The following NUDT5 variants were observed in gnomAD, a reference collection of about 807,000 sequenced individuals.
NUDT5 encodes ADP-sugar pyrophosphatase.
A neutral mutation model predicts 34.1 loss-of-function variants in NUDT5; 21 were observed. The ratio of observed to expected loss-of-function variants is 0.62; its 90% CI spans 0.44 to 0.89. NUDT5 has a LOEUF of 0.89. Ranked by LOEUF, NUDT5 falls within the 40% of genes least tolerant of loss-of-function variation. The probability of loss-of-function intolerance (pLI) is 0.00; values close to 1 mark genes in which losing one functional copy is unlikely to be tolerated. For synonymous variants in NUDT5, 85 were observed against 97.6 expected, an observed-to-expected ratio of 0.87 and a Z score of 0.76; for missense variants, 249 against 274.8, an observed-to-expected ratio of 0.91 and a Z score of 0.66.
intron 3 of NUDT5, 63 bp downstream of exon 3, chr10:12,184,826 C>A: frequency 1.1e-6 from 1 of 912,716 alleles, no homozygotes; most frequent in Non-Finnish European, 1.7e-6. Flanking sequence ...TTATGCAAAA[C>A]ACTCAACAGA....
In NUDT5 at chr10:12,171,020, T is replaced by G; in HGVS notation, c.488-112A>C. ...TTGAGAATTTCACAGAAGCCTGGGT[T>G]TCTGCTAACTTAATTTATATACATT... On this transcript the variant is annotated intron_variant, in intron 7 of 9. Transcript: ENST00000491614. The surrounding 1 kb of genome is among the most constrained non-coding windows in gnomAD (Gnocchi z 4.2). The G allele has an allele frequency of 9.1e-7, 1 of 1,102,786 alleles. No individual in the cohort carries two copies. The allele number at this position is 1,102,786 out of a possible 1,614,324, so 68.3% of individuals were successfully genotyped here. A position where few individuals can be genotyped will look rare whatever the true frequency, so the allele number is the denominator to read the frequency against.
chr10:12,195,691 C>T, intron 1 of NUDT5, 79 bp downstream of exon 1: 1 of 157,312 alleles, frequency 6.4e-6, no homozygotes, highest in Non-Finnish European at 1.4e-5. Flanking sequence ...ACGCACCATG[C>T]AGATGTGGTC....
At chr10:12,174,337 G>A (rs936247406) in intron 5 of NUDT5, among the ~76,000 whole-genome samples, 3 of 151,396 alleles carry the variant, frequency 2.0e-5, no homozygotes, top group African/African-American at 7.3e-5. Flanking sequence ...TGTGATCTTG[G>A]CTCACTGCAA....
intron 3 of NUDT5, among the ~76,000 whole-genome samples, chr10:12,180,904 G>A (rs1223490866): frequency 6.6e-6 from 1 of 152,246 alleles, no homozygotes. Flanking sequence ...GGGAGGGTCA[G>A]AGGGTGACTT....
At chr10:12,167,992 A>G in intron 9 of NUDT5, 181 bp from the exon 10 acceptor site, 1 of 1,158,352 alleles carries the variant, frequency 8.6e-7, no homozygotes, top group Non-Finnish European at 1.1e-6. Flanking sequence ...GCAAGATTAC[A>G]TTCCTAGCAT....
Position 12,169,199 on chromosome 10 carries a change from C to A in NUDT5, c.551-1388G>T. Reference sequence around the variant, plus strand: ...TCTTTTACCCCTCCTCCTTTATAGCCATAGTAGCCCTCTCTCCACCTCCCC... The same window carrying A: ...TCTTTTACCCCTCCTCCTTTATAGCAATAGTAGCCCTCTCTCCACCTCCCC... On this transcript the variant is annotated intron_variant, in intron 9 of 9. Coordinates refer to ENST00000491614, the MANE Select transcript of NUDT5 (RefSeq NM_014142.4). This position sits in a 1 kb window ranked among gnomAD's most constrained non-coding sequence, Gnocchi z 4.8. 1 of 1,138,468 alleles carries A rather than the reference C, an allele frequency of 8.8e-7. No homozygotes were observed. Among genetic ancestry groups the A allele is most frequent in the Non-Finnish European group, 1.3e-6 (1 of 783,302 alleles). 70.5% of individuals were successfully genotyped at this position (1,138,468 alleles called of 1,614,324 possible). A position where few individuals can be genotyped will look rare whatever the true frequency, so the allele number is the denominator to read the frequency against.
In NUDT5 at chr10:12,173,837, G is replaced by A. The variant is rs774015878; in HGVS notation, c.290-24C>T. On this transcript the variant is annotated intron_variant, in intron 5 of 9. Transcript: ENST00000491614. The surrounding 1 kb of genome is among the most constrained non-coding windows in gnomAD (Gnocchi z 4.7). ...ACCTGCAAGTCCAAATCATTGGTGT[G>A]ATGGGAGCGGGAAATCCGGTTCTTT... 1.3e-6 allele frequency: 2 copies of A among 1,539,864 alleles called. No homozygotes were observed. The highest frequency in any genetic ancestry group is 2.2e-5 in the South Asian group (2 of 89,188).
rs371262120 is a variant in NUDT5 at position 12,172,827 on chromosome 10, T to C, written c.425A>G (p.His142Arg). 6.2e-7 allele frequency: 1 copy of C among 1,614,128 alleles called. No homozygotes were observed. The highest frequency in any genetic ancestry group is 8.5e-7 in the Non-Finnish European group (1 of 1,180,042). ...MDPGLSNCTI[H>R]IVTVTINGDD... is the part of the protein sequence containing the mutation. Reference sequence around the variant, plus strand: ...TCCGTTAATGGTGACTGTCACGATGTGTATAGTACAGTTTGACAAGCCTGG... The same window carrying C: ...TCCGTTAATGGTGACTGTCACGATGCGTATAGTACAGTTTGACAAGCCTGG... Residue 142 changes from histidine (H) to arginine (R), a missense_variant, in exon 7 of 10, where the codon CAC (histidine) becomes CGC (arginine). Coordinates refer to ENST00000491614, the MANE Select transcript of NUDT5 (RefSeq NM_014142.4).
rs1429758433 is a variant in NUDT5 at position 12,167,787 on chromosome 10, G to A, written c.575C>T (p.Thr192Ile). 1.2e-6 allele frequency: 2 copies of A among 1,614,132 alleles called. No individual in the cohort carries two copies. Among genetic ancestry groups the A allele is most frequent in the Non-Finnish European group, 1.7e-6 (2 of 1,180,008 alleles). Residue 192 changes from threonine to isoleucine, a missense_variant, in exon 10 of 10, where the codon ACA becomes ATA. Coordinates refer to ENST00000491614, the MANE Select transcript of NUDT5 (RefSeq NM_014142.4). ...LDALVAEEHL[T>I]VDARVYSYAL... is the part of the protein sequence containing the mutation. The stretch of plus-strand genomic sequence containing the variant: ...GTAGGAATAGACCCTGGCGTCCACT[G>A]TGAGATGTTCTTCAGCTACCAGAGC...
Position 12,181,186 on chromosome 10 carries a change from A to G in NUDT5, c.132-2054T>C, listed in dbSNP as rs962672823. Reference sequence around the variant, plus strand: ...ATTATTCCCTAAACAATAGAGTACGACTGTTGACACAGCATTTGCATTGTA... The same window carrying G: ...ATTATTCCCTAAACAATAGAGTACGGCTGTTGACACAGCATTTGCATTGTA... On this transcript the variant is annotated intron_variant, in intron 3 of 9. Transcript: ENST00000491614. This position sits in a 1 kb window ranked among gnomAD's most constrained non-coding sequence, Gnocchi z 5.0. 5.6e-4 allele frequency among the ~76,000 whole-genome samples: 85 copies of G among 152,308 alleles called. No individual in the cohort carries two copies. Among genetic ancestry groups the G allele is most frequent in the African/African-American group, 2.0e-3 (83 of 41,568 alleles).
Position 12,177,693 on chromosome 10 carries a change from G to A in NUDT5, c.289+100C>T, listed in dbSNP as rs551793551. The A allele has an allele frequency of 4.6e-4, 405 of 871,574 alleles. 5 individuals carry two copies. In the South Asian group the frequency reaches 5.7e-3, roughly 12 times the overall value. 54.0% of individuals were successfully genotyped at this position (871,574 alleles called of 1,614,324 possible). A position where few individuals can be genotyped will look rare whatever the true frequency, so the allele number is the denominator to read the frequency against. On this transcript the variant is annotated intron_variant, in intron 5 of 9. Coordinates refer to ENST00000491614, the MANE Select transcript of NUDT5 (RefSeq NM_014142.4). ...GGTTTAGTTTTACTTAAAACCACAA[G>A]GACAGATTAAAAACTGCAGAGCTGA...
chr10:12,167,425 CTG>C lies in NUDT5; in HGVS notation c.*275_*276del. 3.0e-6 allele frequency: 1 copy of C among 330,206 alleles called. No individual in the cohort carries two copies. The highest frequency in any genetic ancestry group is 5.7e-6 in the Non-Finnish European group (1 of 176,910). The allele number at this position is 330,206 out of a possible 1,614,324, so 20.5% of individuals were successfully genotyped here. ...CTACCAGACTGGACTAGAAAAGTAA[CTG>C]AGCTGTAGTTAACTGCTGTTGAGCT... On this transcript the variant is annotated 3_prime_UTR_variant, in exon 10 of 10. Transcript: ENST00000491614.
rs1834899016 is a variant in NUDT5 at position 12,173,700 on chromosome 10, T to A, written c.385+18A>T. 6.3e-7 allele frequency: 1 copy of A among 1,589,786 alleles called. No individual in the cohort carries two copies. On this transcript the variant is annotated intron_variant, in intron 6 of 9. Transcript: ENST00000491614. The surrounding 1 kb of genome is among the most constrained non-coding windows in gnomAD (Gnocchi z 4.7). ...ACGGAGGAATCCATCACTTGGTGAA[T>A]TTTCAAGCAATACCAACCTGGAGAA...
At position 12,171,054 on chromosome 10, in the gene NUDT5, C is replaced by T. The variant is rs1249087742; in HGVS notation, c.488-146G>A. The T allele has an allele frequency of 2.7e-5, 22 of 819,018 alleles. No homozygotes were observed. Among genetic ancestry groups the T allele is most frequent in the African/African-American group, 5.2e-5 (3 of 57,860 alleles). 50.7% of individuals were successfully genotyped at this position (819,018 alleles called of 1,614,324 possible). ...CTTAATTTATATACATTGTCAAACT[C>T]GAGCAGTATGAAGTTATTGTTCTCC... On this transcript the variant is annotated intron_variant, in intron 7 of 9. Coordinates refer to ENST00000491614, the MANE Select transcript of NUDT5 (RefSeq NM_014142.4). This position sits in a 1 kb window ranked among gnomAD's most constrained non-coding sequence, Gnocchi z 4.2.
rs1454601089 is a variant in NUDT5 at position 12,171,028 on chromosome 10, A to G, written c.488-120T>C. 9.6e-7 allele frequency: 1 copy of G among 1,038,064 alleles called. No homozygotes were observed. Among genetic ancestry groups the G allele is most frequent in the Non-Finnish European group, 1.4e-6 (1 of 699,248 alleles). The allele number at this position is 1,038,064 out of a possible 1,614,324, so 64.3% of individuals were successfully genotyped here. ...TTCACAGAAGCCTGGGTTTCTGCTA[A>G]CTTAATTTATATACATTGTCAAACT... On this transcript the variant is annotated intron_variant, in intron 7 of 9. Coordinates refer to ENST00000491614, the MANE Select transcript of NUDT5 (RefSeq NM_014142.4). The surrounding 1 kb of genome is among the most constrained non-coding windows in gnomAD (Gnocchi z 4.2).
At chr10:12,179,572 T>G (rs901061030) in intron 3 of NUDT5, among the ~76,000 whole-genome samples, 8 of 152,236 alleles carry the variant, frequency 5.3e-5, no homozygotes, top group African/African-American at 1.9e-4. Flanking sequence ...TTCATATCAT[T>G]TTGATTTTTA....
chr10:12,167,587 T>C lies in NUDT5; in HGVS notation c.*115A>G, dbSNP rs1182148062. ...ACCACCACCACATCTGTTCTGTGCT[T>C]TTATTTTACGAAAAAGCTAATGGCA... On this transcript the variant is annotated 3_prime_UTR_variant, in exon 10 of 10. Coordinates refer to ENST00000491614, the MANE Select transcript of NUDT5 (RefSeq NM_014142.4). 9.9e-7 allele frequency: 1 copy of C among 1,010,184 alleles called. No homozygotes were observed. Among genetic ancestry groups the C allele is most frequent in the Non-Finnish European group, 1.5e-6 (1 of 671,866 alleles). 62.6% of individuals were successfully genotyped at this position (1,010,184 alleles called of 1,614,324 possible). A position where few individuals can be genotyped will look rare whatever the true frequency, so the allele number is the denominator to read the frequency against.
At position 12,173,835 on chromosome 10, in the gene NUDT5, G is replaced by A. The variant is rs768558635; in HGVS notation, c.290-22C>T. On this transcript the variant is annotated intron_variant, in intron 5 of 9. Transcript: ENST00000491614. The surrounding 1 kb of genome is among the most constrained non-coding windows in gnomAD (Gnocchi z 4.7). ...AGACCTGCAAGTCCAAATCATTGGTGTGATGGGAGCGGGAAATCCGGTTCT... is the reference window on the plus strand; with the variant it reads ...AGACCTGCAAGTCCAAATCATTGGTATGATGGGAGCGGGAAATCCGGTTCT... The A allele has an allele frequency of 1.2e-5, 18 of 1,557,370 alleles. No individual in the cohort carries two copies. Among genetic ancestry groups the A allele is most frequent in the Non-Finnish European group, 1.6e-5 (18 of 1,130,304 alleles).
intron 1 of NUDT5, among the ~76,000 whole-genome samples, chr10:12,188,603 C>T (rs1270040191): frequency 2.0e-5 from 3 of 151,954 alleles, no homozygotes; most frequent in Admixed American, 6.6e-5. Context: ...TGGTGGGGTG[C>T]GCCTGTAGCC....
Sources: allele counts gnomAD v4.1 joint callset (sites outside exome capture counted in the v4.1 genomes callset), GRCh38; gene constraint gnomAD v4.1.1; non-coding constraint Gnocchi (gnomAD v3.1); transcripts MANE v1.5; gene names NCBI Gene and HGNC (gene_info 2026-07-23, HGNC 2026-07-21).